The following ANKFY1 variants were observed in gnomAD, a reference collection of about 807,000 sequenced individuals.
ANKFY1 encodes the protein ankyrin repeat and FYVE domain-containing protein 1.
A neutral mutation model predicts 128.3 loss-of-function variants in ANKFY1; 47 were observed. The ratio of observed to expected loss-of-function variants is 0.37; its 90% confidence interval spans 0.29 to 0.47. ANKFY1 has a LOEUF of 0.47. ANKFY1 is among the 20% of genes least tolerant of loss of function. The probability of loss-of-function intolerance (pLI) is 1.00; values close to 1 mark genes in which losing one functional copy is unlikely to be tolerated. For synonymous variants in ANKFY1, 553 were observed against 601.6 expected, an observed-to-expected ratio of 0.92 and a Z score of 1.18; for missense variants, 1,222 against 1,510.6, an observed-to-expected ratio of 0.81 and a Z score of 3.17.
chr17:4,191,202 C>G (rs1205584675), intron 10 of ANKFY1: 1 of 152,264 alleles, frequency 6.6e-6, no homozygotes, highest in East Asian at 1.9e-4. Context: ...TTTTCCTTAT[C>G]CCTCAGAGAC....
chr17:4,226,001 G>A (rs1439445080), intron 3 of ANKFY1, among the ~76,000 whole-genome samples: 1 of 152,086 alleles, frequency 6.6e-6, no homozygotes, highest in East Asian at 1.9e-4. Flanking sequence ...AGGCTCAAGG[G>A]ATCCGCTTGC....
At chr17:4,170,998 G>C (rs2059308861) in intron 22 of ANKFY1, 137 bp from the exon 23 acceptor site, 2 of 1,241,460 alleles carry the variant, frequency 1.6e-6, no homozygotes, top group Non-Finnish European at 2.3e-6. Context: ...CAGACATACG[G>C]GGGCCCCGAG....
chr17:4,226,232 T>C (rs1437690894), intron 3 of ANKFY1, among the ~76,000 whole-genome samples: 5 of 152,162 alleles, frequency 3.3e-5, no homozygotes, highest in South Asian at 2.1e-4. Flanking sequence ...AAGGAATTGA[T>C]AGAACTAGGC....
chr17:4,256,380 A>C (rs1968127882), intron 1 of ANKFY1, among the ~76,000 whole-genome samples: 1 of 152,034 alleles, frequency 6.6e-6, no homozygotes, highest in Non-Finnish European at 1.5e-5. Flanking sequence ...GTGAGCTGAG[A>C]TCGCACCACT....
intron 7 of ANKFY1, among the ~76,000 whole-genome samples, chr17:4,203,827 C>CAAAAAAAAAAAAAAAAAA (rs773865349): frequency 1.3e-5 from 1 of 77,780 alleles, no homozygotes; most frequent in African/African-American, 4.4e-5. Flanking sequence ...ACAACAACAA[C>CAAAAAAAAAAAAAAAAAA]AAAAAAAAAA....
At chr17:4,216,021 C>T (rs1486576153) in intron 4 of ANKFY1, among the ~76,000 whole-genome samples, 1 of 152,216 alleles carries the variant, frequency 6.6e-6, no homozygotes, top group Admixed American at 6.5e-5. Context: ...AGACTGTGGA[C>T]CTGCTTTTGT....
At chr17:4,207,278 A>T (rs1219184537) in intron 6 of ANKFY1, among the ~76,000 whole-genome samples, 1 of 152,224 alleles carries the variant, frequency 6.6e-6, no homozygotes, top group Non-Finnish European at 1.5e-5. Flanking sequence ...CAGAAGAGTA[A>T]GTCAGAGAGA....
At chr17:4,202,864 A>G (rs1331940236) in intron 7 of ANKFY1, among the ~76,000 whole-genome samples, 1 of 149,330 alleles carries the variant, frequency 6.7e-6, no homozygotes, top group Non-Finnish European at 1.5e-5. Flanking sequence ...TAGCATGATA[A>G]AAAAAAATTT....
At chr17:4,248,183 AC>A (rs1967656590) in intron 1 of ANKFY1, among the ~76,000 whole-genome samples, 1 of 152,218 alleles carries the variant, frequency 6.6e-6, no homozygotes. Flanking sequence ...GTGGACGGGT[AC>A]TAGTTTGTGG....
chr17:4,238,706 C>T (rs759186845), intron 2 of ANKFY1, among the ~76,000 whole-genome samples: 3 of 151,654 alleles, frequency 2.0e-5, no homozygotes, highest in South Asian at 4.2e-4. Context: ...ACTCCTGATC[C>T]GCCCAACTCA....
chr17:4,235,848 G>A lies in ANKFY1; in HGVS notation c.246C>T (p.His82=), dbSNP rs1567967554. ...CACTGCGGGCTGCCAGGACAAACTT[G>A]TGAGCACTGATGTGCCTGTCCCCAA... is the stretch of plus-strand genomic sequence containing the variant. ...IKVGDRHISA[H]KFVLAARSDS... is the part of the protein sequence containing the mutation. Residue 82 remains histidine (H), a synonymous_variant, in exon 3 of 25, where the codon CAC becomes CAT. Transcript: ENST00000341657. The A allele has an allele frequency of 6.2e-7, 1 of 1,614,192 alleles. No homozygotes were observed. The highest frequency in any genetic ancestry group is 8.5e-7 in the Non-Finnish European group (1 of 1,180,032).
intron 3 of ANKFY1, among the ~76,000 whole-genome samples, chr17:4,231,971 T>C (rs2060520338): frequency 6.6e-6 from 1 of 151,644 alleles, no homozygotes; most frequent in South Asian, 2.1e-4. Context: ...AAATATCAAT[T>C]AGACAAGAAC....
At chr17:4,210,564 C>G (rs1297144630) in intron 4 of ANKFY1, among the ~76,000 whole-genome samples, 1 of 151,864 alleles carries the variant, frequency 6.6e-6, no homozygotes, top group South Asian at 2.1e-4. Flanking sequence ...CAAAATTAGC[C>G]GGCTGTGGTG....
At chr17:4,245,865 G>A (rs1232267244) in intron 1 of ANKFY1, among the ~76,000 whole-genome samples, 1 of 151,978 alleles carries the variant, frequency 6.6e-6, no homozygotes, top group African/African-American at 2.4e-5. Flanking sequence ...CCAATATGGT[G>A]AAACCCCATC....
In ANKFY1 at chr17:4,223,142, G is replaced by C. The variant is rs1481036335; in HGVS notation, c.323-6024C>G. The C allele has an allele frequency of 4.5e-5, 35 of 778,362 alleles. No homozygotes were observed. The East Asian group carries it at 8.3e-4, about 18-fold the overall frequency. 48.2% of individuals were successfully genotyped at this position (778,362 alleles called of 1,614,324 possible). ...TGGTCGAAACAAAGATCAAGCTTCT[G>C]AAATTCAGGTGACAATGATGCTCAC... On this transcript the variant is annotated intron_variant, in intron 3 of 24. Coordinates refer to ENST00000341657, the MANE Select transcript of ANKFY1 (RefSeq NM_001330063.2).
At chr17:4,185,176 T>C in intron 11 of ANKFY1, 130 bp from the exon 12 acceptor site, 1 of 788,264 alleles carries the variant, frequency 1.3e-6, no homozygotes, top group Non-Finnish European at 2.1e-6. Context: ...TGACTTCTGT[T>C]CTCTTTCTCC....
intron 11 of ANKFY1, chr17:4,187,054 G>A (rs577754081): frequency 9.1e-6 from 11 of 1,210,496 alleles, no homozygotes; most frequent in South Asian, 8.7e-5. Flanking sequence ...CTGGTTCCAC[G>A]GATAAGTTCT....
At chr17:4,249,630 G>T (rs61337160) in intron 1 of ANKFY1, among the ~76,000 whole-genome samples, 366 of 152,230 alleles carry the variant, frequency 2.4e-3, no homozygotes, top group Non-Finnish European at 4.1e-3. Flanking sequence ...GGAACACCTA[G>T]AATTCTGTAA....
At chr17:4,236,640 C>T (rs1273165934) in intron 2 of ANKFY1, among the ~76,000 whole-genome samples, 1 of 152,138 alleles carries the variant, frequency 6.6e-6, no homozygotes, top group Non-Finnish European at 1.5e-5. Flanking sequence ...TAGGCTGACA[C>T]GAACACATGC....
Sources: allele counts gnomAD v4.1 joint callset (sites outside exome capture counted in the v4.1 genomes callset), GRCh38; gene constraint gnomAD v4.1.1; transcripts MANE v1.5; gene names NCBI Gene and HGNC (gene_info 2026-07-23, HGNC 2026-07-21).